The following DAZAP1 variants were observed in gnomAD, a reference collection of about 807,000 sequenced individuals.
The protein encoded by DAZAP1 is DAZ-associated protein 1.
A neutral mutation model predicts 60.1 loss-of-function variants in DAZAP1; 6 were observed. The observed-to-expected ratio is 0.10, with a 90% confidence interval of 0.05 to 0.20. The LOEUF (loss-of-function observed/expected upper bound fraction) is 0.20, where lower values mean the gene tolerates loss of function less well. Among genes scored for constraint, DAZAP1 ranks in the 10% least tolerant of loss-of-function variants. The pLI, the probability that DAZAP1 is intolerant of heterozygous loss-of-function variation, is 1.00. For missense variants in DAZAP1, 366 were observed against 560.4 expected, an observed-to-expected ratio of 0.65 and a Z score of 3.50; for synonymous variants, 235 against 215.9, an observed-to-expected ratio of 1.09 and a Z score of -0.78.
Position 1,433,556 on chromosome 19 carries a change from C to T in DAZAP1, c.1048+866C>T. 3.4e-6 allele frequency: 2 copies of T among 590,674 alleles called. No homozygotes were observed. Among genetic ancestry groups the T allele is most frequent in the South Asian group, 4.0e-5 (2 of 50,556 alleles). 36.6% of individuals were successfully genotyped at this position (590,674 alleles called of 1,614,324 possible). A position where few individuals can be genotyped will look rare whatever the true frequency, so the allele number is the denominator to read the frequency against. On this transcript the variant is annotated intron_variant, in intron 11 of 11. Coordinates refer to ENST00000233078, the MANE Select transcript of DAZAP1 (RefSeq NM_018959.4). The surrounding 1 kb of genome is among the most constrained non-coding windows in gnomAD (Gnocchi z 6.1). The stretch of plus-strand genomic sequence containing the variant: ...CGCATGGCTGTGGTTCCCCTGCCCC[C>T]ACGCCCAGGCCTTGGGCCGAGGTTG...
rs1052155493 is a variant in DAZAP1, at chr19:1,422,035, C to A, written c.415-313C>A. ...GGCTCCCACGTCCCCTGCTAGGATG[C>A]GTGGTCGGCGTTGTTGGCCCTTCAT... On this transcript the variant is annotated intron_variant, in intron 5 of 11. Transcript: ENST00000233078. The surrounding 1 kb of genome is among the most constrained non-coding windows in gnomAD (Gnocchi z 4.5). Among the ~76,000 whole-genome samples the A allele has an allele frequency of 6.6e-6, 1 of 152,168 alleles. No individual in the cohort carries two copies. Among genetic ancestry groups the A allele is most frequent in the East Asian group, 1.9e-4 (1 of 5,186 alleles).
intron 4 of DAZAP1, 54 bp from the exon 5 acceptor site, chr19:1,421,094 G>A (rs1368620474): frequency 1.7e-5 from 26 of 1,537,538 alleles, no homozygotes; most frequent in African/African-American, 5.4e-5. Context: ...CGCAGCTCGC[G>A]GGAGGGTTTG....
Position 1,428,681 on chromosome 19 carries a change from A to T in DAZAP1, c.547-161A>T. Reference sequence around the variant, plus strand: ...AAAATTCAACACAAAAGAATTTTTTAAGAAAAAAATGCTACTGGCCTAAAT... The same window carrying T: ...AAAATTCAACACAAAAGAATTTTTTTAGAAAAAAATGCTACTGGCCTAAAT... On this transcript the variant is annotated intron_variant, in intron 7 of 11. Coordinates refer to ENST00000233078, the MANE Select transcript of DAZAP1 (RefSeq NM_018959.4). This position sits in a 1 kb window ranked among gnomAD's most constrained non-coding sequence, Gnocchi z 4.0. The T allele has an allele frequency of 1.1e-6, 1 of 890,082 alleles. No homozygotes were observed. Among genetic ancestry groups the T allele is most frequent in the Non-Finnish European group, 1.7e-6 (1 of 599,902 alleles). The allele number at this position is 890,082 out of a possible 1,614,324, so 55.1% of individuals were successfully genotyped here.
rs537058811 is a variant in DAZAP1, at chr19:1,408,359, GC to G, written c.29+559del. Among the ~76,000 whole-genome samples the G allele has an allele frequency of 1.2e-4, 18 of 152,164 alleles. No homozygotes were observed. The East Asian group carries it at 3.5e-3, about 29-fold the overall frequency. ...GGGAGTCCAGGGCGCCGTCGCCGCCGCCTCCCGGCTTCCTGGCCAGGGGGAC... is the reference window on the plus strand; with the variant it reads ...GGGAGTCCAGGGCGCCGTCGCCGCCGCTCCCGGCTTCCTGGCCAGGGGGAC... On this transcript the variant is annotated intron_variant, in intron 1 of 11. Transcript: ENST00000233078.
At position 1,415,011 on chromosome 19, in the gene DAZAP1, G is replaced by A. The variant is rs1359474466; in HGVS notation, c.30-2489G>A. On this transcript the variant is annotated intron_variant, in intron 1 of 11. Transcript: ENST00000233078. The stretch of plus-strand genomic sequence containing the variant: ...TCGTTACGTTGCCCAGGCTGGTCTT[G>A]AACTCCTGGCCTCCCGTAATGCTGT... Among the ~76,000 whole-genome samples the A allele has an allele frequency of 1.1e-4, 17 of 151,970 alleles. No individual in the cohort carries two copies. The East Asian group carries it at 3.1e-3, about 28-fold the overall frequency.
intron 1 of DAZAP1, chr19:1,415,675 G>C (rs993283418): frequency 2.0e-5 from 3 of 152,174 alleles, no homozygotes; most frequent in African/African-American, 7.2e-5. Context: ...TGACCTCAAC[G>C]CTCCCTGGCC....
At chr19:1,415,056 G>T (rs910052052) in intron 1 of DAZAP1, among the ~76,000 whole-genome samples, 3 of 152,024 alleles carry the variant, frequency 2.0e-5, no homozygotes, top group Non-Finnish European at 4.4e-5. Flanking sequence ...CGTGATCTGC[G>T]CCCAGCTGAG....
Position 1,423,279 on chromosome 19 carries a change from T to C in DAZAP1, c.463+883T>C, listed in dbSNP as rs1413537843. On this transcript the variant is annotated intron_variant, in intron 6 of 11. Transcript: ENST00000233078. This position sits in a 1 kb window ranked among gnomAD's most constrained non-coding sequence, Gnocchi z 6.8. Reference sequence around the variant, plus strand: ...CTCCTCCTCCATGTCGGTTACGCTGTTAAGTCTTAGTCGTAACTTAATTTA... The same window carrying C: ...CTCCTCCTCCATGTCGGTTACGCTGCTAAGTCTTAGTCGTAACTTAATTTA... Among the ~76,000 whole-genome samples, 1 of 152,278 alleles carries C rather than the reference T, an allele frequency of 6.6e-6. No homozygotes were observed. Among genetic ancestry groups the C allele is most frequent in the Non-Finnish European group, 1.5e-5 (1 of 68,046 alleles).
At chr19:1,412,655 G>A (rs553165655) in intron 1 of DAZAP1, among the ~76,000 whole-genome samples, 1 of 152,348 alleles carries the variant, frequency 6.6e-6, no homozygotes, top group Non-Finnish European at 1.5e-5. Context: ...TAGGCCAGAG[G>A]AAGCCTCTGC....
chr19:1,429,840 A>G (rs1392402545), intron 8 of DAZAP1, 127 bp from the exon 9 acceptor site: 2 of 1,168,764 alleles, frequency 1.7e-6, no homozygotes, highest in Non-Finnish European at 2.4e-6. Context: ...CTCAGGACGA[A>G]CAGGCTCTAA....
At chr19:1,412,989 G>A (rs917089489) in intron 1 of DAZAP1, among the ~76,000 whole-genome samples, 3 of 152,218 alleles carry the variant, frequency 2.0e-5, no homozygotes, top group Admixed American at 1.3e-4. Flanking sequence ...TAGGAGCCAC[G>A]ACTTCCAGTG....
Position 1,432,306 on chromosome 19 carries a change from C to T in DAZAP1, c.872-208C>T. 2 of 611,498 alleles carry T rather than the reference C, an allele frequency of 3.3e-6. No homozygotes were observed. The highest frequency in any genetic ancestry group is 3.8e-5 in the South Asian group (2 of 52,784). 37.9% of individuals were successfully genotyped at this position (611,498 alleles called of 1,614,324 possible). A position where few individuals can be genotyped will look rare whatever the true frequency, so the allele number is the denominator to read the frequency against. On this transcript the variant is annotated intron_variant, in intron 10 of 11. Coordinates refer to ENST00000233078, the MANE Select transcript of DAZAP1 (RefSeq NM_018959.4). The surrounding 1 kb of genome is among the most constrained non-coding windows in gnomAD (Gnocchi z 4.9). ...TGCTGCAGCTCAGCATCCCGCCACG[C>T]TCCCAGGAGTGTGTGTTTCCTGGGG...
At chr19:1,408,414 G>A (rs1832662248) in intron 1 of DAZAP1, among the ~76,000 whole-genome samples, 1 of 152,230 alleles carries the variant, frequency 6.6e-6, no homozygotes, top group African/African-American at 2.4e-5. Flanking sequence ...GGGTGGTCCG[G>A]GGCGCCCCCA....
In DAZAP1 at chr19:1,425,343, G is replaced by A. The variant is rs1486586173; in HGVS notation, c.464-535G>A. ...AAAGCAAATTGCAAGCCAAGGGGGA[G>A]AATCCTGGGTTTCAGAGAAGCATAC... On this transcript the variant is annotated intron_variant, in intron 6 of 11. Transcript: ENST00000233078. The surrounding 1 kb of genome is among the most constrained non-coding windows in gnomAD (Gnocchi z 5.4). Among the ~76,000 whole-genome samples the A allele has an allele frequency of 6.6e-6, 1 of 152,232 alleles. No individual in the cohort carries two copies. Among genetic ancestry groups the A allele is most frequent in the Admixed American group, 6.5e-5 (1 of 15,286 alleles).
intron 1 of DAZAP1, 25 bp downstream of exon 1, chr19:1,407,827 C>T: frequency 1.9e-6 from 2 of 1,065,936 alleles, no homozygotes; most frequent in Non-Finnish European, 1.1e-6. Flanking sequence ...CGCGGGCCTG[C>T]GTCTCCGCCC....
chr19:1,414,520 G>A (rs2082918225), intron 1 of DAZAP1, among the ~76,000 whole-genome samples: 1 of 152,054 alleles, frequency 6.6e-6, no homozygotes, highest in Non-Finnish European at 1.5e-5. Flanking sequence ...GCCGAGGCTG[G>A]TGGATCACGA....
intron 9 of DAZAP1, 33 bp from the exon 10 acceptor site, chr19:1,430,189 C>T (rs1600242212): frequency 6.3e-7 from 1 of 1,583,190 alleles, no homozygotes; most frequent in Non-Finnish European, 8.6e-7. Flanking sequence ...GTCCAGCGCT[C>T]TCTGTCCATC....
At position 1,425,341 on chromosome 19, in the gene DAZAP1, G is replaced by A. The variant is rs1404421870; in HGVS notation, c.464-537G>A. Reference sequence around the variant, plus strand: ...GCAAAGCAAATTGCAAGCCAAGGGGGAGAATCCTGGGTTTCAGAGAAGCAT... The same window carrying A: ...GCAAAGCAAATTGCAAGCCAAGGGGAAGAATCCTGGGTTTCAGAGAAGCAT... On this transcript the variant is annotated intron_variant, in intron 6 of 11. Coordinates refer to ENST00000233078, the MANE Select transcript of DAZAP1 (RefSeq NM_018959.4). This position sits in a 1 kb window ranked among gnomAD's most constrained non-coding sequence, Gnocchi z 5.4. Among the ~76,000 whole-genome samples the A allele has an allele frequency of 1.3e-5, 2 of 152,216 alleles. No homozygotes were observed. The highest frequency in any genetic ancestry group is 1.9e-4 in the East Asian group (1 of 5,190).
At position 1,423,417 on chromosome 19, in the gene DAZAP1, T is replaced by C. The variant is rs1486707511; in HGVS notation, c.463+1021T>C. Among the ~76,000 whole-genome samples the C allele has an allele frequency of 2.0e-5, 3 of 152,272 alleles. No homozygotes were observed. The highest frequency in any genetic ancestry group is 6.5e-5 in the Admixed American group (1 of 15,292). Reference sequence around the variant, plus strand: ...TTGTGTGTGATTAACGATATCTCTTTAGATTTCTCTTCTCCAGGTGCTAAA... The same window carrying C: ...TTGTGTGTGATTAACGATATCTCTTCAGATTTCTCTTCTCCAGGTGCTAAA... On this transcript the variant is annotated intron_variant, in intron 6 of 11. Transcript: ENST00000233078. The surrounding 1 kb of genome is among the most constrained non-coding windows in gnomAD (Gnocchi z 6.8).
Sources: gnomAD v4.1 joint callset for allele counts (sites outside exome capture counted in the v4.1 genomes callset) on GRCh38, gnomAD v4.1.1 for gene constraint, Gnocchi (gnomAD v3.1) non-coding constraint, MANE v1.5 for transcripts, NCBI Gene and HGNC (gene_info 2026-07-23, HGNC 2026-07-21) for gene names.